The following CTNND2 variants were observed in gnomAD, a reference collection of about 807,000 sequenced individuals.
CTNND2 encodes the protein catenin delta 2.
In CTNND2, 22 loss-of-function variants were observed where a neutral mutation model predicts 144.4. The observed-to-expected ratio is 0.15, with a 90% CI of 0.11 to 0.22. The LOEUF is 0.22. Among genes scored for constraint, CTNND2 ranks in the 10% least tolerant of loss-of-function variants. The pLI, the probability that CTNND2 is intolerant of heterozygous loss-of-function variation, is 1.00. For synonymous variants in CTNND2, 751 were observed against 695.6 expected, an observed-to-expected ratio of 1.08 and a Z score of -1.25; for missense variants, 1,353 against 1,618.8, an observed-to-expected ratio of 0.84 and a Z score of 2.82.
Position 11,331,731 on chromosome 5 carries a change from T to C in CTNND2, c.1628+14641A>G, listed in dbSNP as rs73742803. On this transcript the variant is annotated intron_variant, in intron 9 of 21. Coordinates refer to ENST00000304623, the MANE Select transcript of CTNND2 (RefSeq NM_001332.4). The stretch of plus-strand genomic sequence containing the variant: ...CAAATAGCATACACAACTATTTTTA[T>C]TTTATAGAATAATATTATGTCATTT... Among the ~76,000 whole-genome samples, 1,149 of 152,246 alleles carry C rather than the reference T, an allele frequency of 7.5e-3. 11 individuals are homozygous for C. The highest frequency in any genetic ancestry group is 0.026 in the African/African-American group (1,096 of 41,546).
chr5:11,456,199 G>A (rs888315240), intron 3 of CTNND2, among the ~76,000 whole-genome samples: 4 of 152,082 alleles, frequency 2.6e-5, no homozygotes, highest in African/African-American at 9.7e-5. Flanking sequence ...TATGGGTTCT[G>A]CTACTTCTTG....
intron 1 of CTNND2, among the ~76,000 whole-genome samples, chr5:11,891,409 C>T (rs1736950832): frequency 6.6e-6 from 1 of 152,168 alleles, no homozygotes; most frequent in Non-Finnish European, 1.5e-5. Flanking sequence ...CACTGGGTAA[C>T]TTGCTGGTTT....
At chr5:11,771,664 T>G (rs1351822250) in intron 1 of CTNND2, among the ~76,000 whole-genome samples, 1 of 152,208 alleles carries the variant, frequency 6.6e-6, no homozygotes, top group Non-Finnish European at 1.5e-5. Context: ...ACATAATCAT[T>G]TATGCAGTCA....
chr5:11,729,572 AG>A (rs1787219782), intron 2 of CTNND2, among the ~76,000 whole-genome samples: 1 of 152,222 alleles, frequency 6.6e-6, no homozygotes, highest in African/African-American at 2.4e-5. Flanking sequence ...ATTTATAGAA[AG>A]AATATAACAT....
chr5:10,981,840 T>C lies in CTNND2; in HGVS notation c.3350A>G (p.Asn1117Ser). 6.2e-7 allele frequency: 1 copy of C among 1,613,684 alleles called. No individual in the cohort carries two copies. Among genetic ancestry groups the C allele is most frequent in the South Asian group, 1.1e-5 (1 of 90,938 alleles). ...CCTATACAAAGTTGAAATTCCAGTGTTTTGAGCTAAAAGCAAAAGGAAAAC... is the reference window on the plus strand; with the variant it reads ...CCTATACAAAGTTGAAATTCCAGTGCTTTGAGCTAAAAGCAAAAGGAAAAC... ...TSRKDAMTAQ[N>S]TGISTLYRNS... Residue 1117 changes from asparagine to serine, a missense_variant, in exon 21 of 22, where the codon AAC becomes AGC. By Grantham distance (46) the Asn-to-Ser change is conservative (BLOSUM62 1). Around this residue, in one of 4 missense-constraint regions of CTNND2, gnomAD observed 459 missense variants for 674.3 expected, o/e 0.68. Coordinates refer to ENST00000304623, the MANE Select transcript of CTNND2 (RefSeq NM_001332.4).
chr5:11,573,705 G>GT (rs1285916217), intron 2 of CTNND2, among the ~76,000 whole-genome samples: 1 of 152,148 alleles, frequency 6.6e-6, no homozygotes, highest in Non-Finnish European at 1.5e-5. Flanking sequence ...GTCATCCTGG[G>GT]TTACCCAGCA....
chr5:11,174,798 C>T (rs146594797), intron 11 of CTNND2, among the ~76,000 whole-genome samples: 3,022 of 152,232 alleles, frequency 0.02, 60 homozygotes, highest in Admixed American at 0.051. Flanking sequence ...GCACGCAGAA[C>T]GGTGCAGCCT....
chr5:11,772,943 G>A lies in CTNND2; in HGVS notation c.38-40671C>T, dbSNP rs1790034058. On this transcript the variant is annotated intron_variant, in intron 1 of 21. Transcript: ENST00000304623. The stretch of plus-strand genomic sequence containing the variant: ...ATAAATAATGCTGCAGATTAATTAA[G>A]AGAAATGCATCTTTTTCTCAAAGAG... 2.0e-5 allele frequency among the ~76,000 whole-genome samples: 3 copies of A among 152,174 alleles called. No homozygotes were observed. In the South Asian group the frequency reaches 6.2e-4, roughly 32 times the overall value.
intron 11 of CTNND2, among the ~76,000 whole-genome samples, chr5:11,180,481 T>C (rs997118574): frequency 2.0e-5 from 3 of 152,266 alleles, no homozygotes; most frequent in African/African-American, 7.2e-5. Context: ...AGAAACATAA[T>C]AGCGATTGGT....
At chr5:11,336,470 C>T (rs1213212551) in intron 9 of CTNND2, among the ~76,000 whole-genome samples, 1 of 152,142 alleles carries the variant, frequency 6.6e-6, no homozygotes, top group Non-Finnish European at 1.5e-5. Context: ...GTGTCTAAGT[C>T]TGTGAATTTA....
intron 16 of CTNND2, among the ~76,000 whole-genome samples, chr5:11,040,013 G>T (rs71599560): frequency 0.072 from 11,021 of 152,134 alleles, 506 homozygotes; most frequent in Non-Finnish European, 0.1. Flanking sequence ...AATGAGCTGA[G>T]ATCACACCAC....
intron 1 of CTNND2, among the ~76,000 whole-genome samples, chr5:11,779,055 A>G (rs1790405660): frequency 6.6e-6 from 1 of 152,204 alleles, no homozygotes. Context: ...TTATGGCATG[A>G]CAGGCCTTTT....
intron 1 of CTNND2, among the ~76,000 whole-genome samples, chr5:11,851,966 C>T (rs907746029): frequency 4.6e-5 from 7 of 152,184 alleles, no homozygotes; most frequent in African/African-American, 1.7e-4. Flanking sequence ...CATTCTCCTC[C>T]TACCTCAAGT....
At chr5:11,706,569 T>A (rs956898681) in intron 2 of CTNND2, among the ~76,000 whole-genome samples, 1 of 152,200 alleles carries the variant, frequency 6.6e-6, no homozygotes, top group Non-Finnish European at 1.5e-5. Context: ...GAGTACTCTC[T>A]TTCCCTTAGT....
At chr5:11,331,552 TA>T (rs1280960880) in intron 9 of CTNND2, among the ~76,000 whole-genome samples, 1 of 152,232 alleles carries the variant, frequency 6.6e-6, no homozygotes, top group African/African-American at 2.4e-5. Context: ...TAAACATGAT[TA>T]TTTTTTATTT....
intron 1 of CTNND2, among the ~76,000 whole-genome samples, chr5:11,859,432 A>C (rs903006051): frequency 4.6e-5 from 7 of 152,370 alleles, no homozygotes; most frequent in African/African-American, 1.7e-4. Flanking sequence ...CACCAACCCT[A>C]ATGATTATAA....
Position 11,181,831 on chromosome 5 carries a change from A to ATGTG in CTNND2, c.1975+17613_1975+17616dup, listed in dbSNP as rs1336273494. Among the ~76,000 whole-genome samples the ATGTG allele has an allele frequency of 3.3e-5, 3 of 91,472 alleles. No individual in the cohort carries two copies. The East Asian group carries it at 9.6e-4, about 29-fold the overall frequency. 60.0% of individuals were successfully genotyped at this position (91,472 alleles called of 152,430 possible). A position where few individuals can be genotyped will look rare whatever the true frequency, so the allele number is the denominator to read the frequency against. On this transcript the variant is annotated intron_variant, in intron 11 of 21. Coordinates refer to ENST00000304623, the MANE Select transcript of CTNND2 (RefSeq NM_001332.4). ...GTGAATGCGTGTGGTGTGTGTGTGT[A>ATGTG]TGTGTGGCATGTGTGTGTGGATGTG... is the stretch of plus-strand genomic sequence containing the variant.
chr5:11,341,525 G>C (rs539897711), intron 9 of CTNND2, among the ~76,000 whole-genome samples: 1 of 152,114 alleles, frequency 6.6e-6, no homozygotes, highest in Admixed American at 6.5e-5. Context: ...TAAATAATTA[G>C]TGAGCATTTG....
intron 7 of CTNND2, 37 bp from the exon 8 acceptor site, chr5:11,364,927 C>A (rs763364416): frequency 6.4e-7 from 1 of 1,553,436 alleles, no homozygotes; most frequent in South Asian, 1.2e-5. Flanking sequence ...AAAGCTCAGG[C>A]GACCTCCAAA....
Sources: allele counts gnomAD v4.1 joint callset (sites outside exome capture counted in the v4.1 genomes callset), GRCh38; gene constraint gnomAD v4.1.1; regional missense constraint gnomAD v4.1.1; transcripts MANE v1.5; gene names NCBI Gene and HGNC (gene_info 2026-07-23, HGNC 2026-07-21).